The following ABAT variants were observed in gnomAD, a reference collection of about 807,000 sequenced individuals.
ABAT encodes the protein 4-aminobutyrate aminotransferase, mitochondrial.
ABAT carries 45 observed loss-of-function variants against 64.6 expected under a neutral mutation model. That is an observed-to-expected ratio of 0.70 (90% CI 0.55 to 0.89). The LOEUF (loss-of-function observed/expected upper bound fraction) is 0.89, where lower values mean the gene tolerates loss of function less well. ABAT is among the 40% of genes least tolerant of loss of function. The probability of loss-of-function intolerance (pLI) is 0.00; values close to 1 mark genes in which losing one functional copy is unlikely to be tolerated. For synonymous variants in ABAT, 297 were observed against 250.5 expected (o/e 1.19, Z -1.75); for missense variants, 633 against 658.4 (o/e 0.96, Z 0.42).
At chr16:8,760,793 G>A (rs989638604) in intron 6 of ABAT, among the ~76,000 whole-genome samples, 4 of 152,192 alleles carry the variant, frequency 2.6e-5, no homozygotes, top group African/African-American at 7.2e-5. Flanking sequence ...CAGAGATTCC[G>A]GCTGCATGTG....
At chr16:8,734,750 A>G (rs922227799) in intron 1 of ABAT, among the ~76,000 whole-genome samples, 27 of 152,302 alleles carry the variant, frequency 1.8e-4, no homozygotes, top group African/African-American at 6.3e-4. Context: ...TAAAAAATAC[A>G]CATACCAATT....
At chr16:8,769,069 T>TC (rs1169648942) in intron 11 of ABAT, 96 bp downstream of exon 11, 9 of 1,551,730 alleles carry the variant, frequency 5.8e-6, no homozygotes, top group Non-Finnish European at 4.4e-6. Flanking sequence ...GAAGGGTTTA[T>TC]CTGGGGATCT....
rs568093407 is a variant in ABAT, at chr16:8,734,967, G to A, written c.-41-732G>A. On this transcript the variant is annotated intron_variant, in intron 1 of 15. Coordinates refer to ENST00000268251, the MANE Select transcript of ABAT (RefSeq NM_020686.6). ...TCATACCTGTAATCCCAGCACTTTG[G>A]GAGGCCAAGGCAGGCAGATTACTTG... Among the ~76,000 whole-genome samples, 23 of 151,908 alleles carry A rather than the reference G, an allele frequency of 1.5e-4. 1 individual carries two copies. In the East Asian group the frequency reaches 4.5e-3, roughly 29 times the overall value.
In ABAT at chr16:8,781,437, C is replaced by T. The variant is rs1230857565; in HGVS notation, c.*7C>T. ...CTTAGCAGACTTCAAGTAAAGAAGC[C>T]ATTTCCACTACAGTGAGAAAGCCCG... On this transcript the variant is annotated 3_prime_UTR_variant, in exon 16 of 16. Transcript: ENST00000268251. This position sits in a 1 kb window ranked among gnomAD's most constrained non-coding sequence, Gnocchi z 4.5. 1.2e-6 allele frequency: 2 copies of T among 1,614,092 alleles called. No individual in the cohort carries two copies. The highest frequency in any genetic ancestry group is 1.3e-5 in the African/African-American group (1 of 74,928).
chr16:8,774,652 G>A (rs982166922), intron 12 of ABAT, among the ~76,000 whole-genome samples: 1 of 152,086 alleles, frequency 6.6e-6, no homozygotes, highest in East Asian at 1.9e-4. Flanking sequence ...GGGTTTTTTT[G>A]GTCCAGCTTA....
chr16:8,743,080 G>A (rs1343637280), intron 2 of ABAT, among the ~76,000 whole-genome samples: 1 of 148,936 alleles, frequency 6.7e-6, no homozygotes, highest in Non-Finnish European at 1.5e-5. Flanking sequence ...ATACTTTTAG[G>A]AATTCCCTTT....
chr16:8,712,076 C>T (rs1369732327), intron 1 of ABAT, among the ~76,000 whole-genome samples: 1 of 151,646 alleles, frequency 6.6e-6, no homozygotes, highest in African/African-American at 2.4e-5. Context: ...ACTAAAAATA[C>T]AAAAATTAGC....
chr16:8,746,221 A>C (rs2142628610), intron 3 of ABAT, 123 bp downstream of exon 3: 1 of 777,360 alleles, frequency 1.3e-6, no homozygotes, highest in East Asian at 2.7e-5. Flanking sequence ...GTTCACCACC[A>C]GAGATCTGAG....
chr16:8,712,452 G>C (rs1423877558), intron 1 of ABAT, among the ~76,000 whole-genome samples: 3 of 152,150 alleles, frequency 2.0e-5, no homozygotes, highest in African/African-American at 7.2e-5. Context: ...TTTCGGCTTT[G>C]CTGTGCATTG....
intron 2 of ABAT, among the ~76,000 whole-genome samples, chr16:8,743,423 T>TTATA (rs1182574273): frequency 0.066 from 2,965 of 45,244 alleles, 156 homozygotes; most frequent in Middle Eastern, 0.095. Context: ...ATGGAAACAG[T>TTATA]TATATATATA....
chr16:8,766,422 A>T, intron 9 of ABAT, 152 bp downstream of exon 9: 1 of 725,056 alleles, frequency 1.4e-6, no homozygotes, highest in Non-Finnish European at 2.4e-6. Flanking sequence ...TGGGAGGCCA[A>T]GGCAGGCGGA....
At chr16:8,734,635 C>G (rs1387525696) in intron 1 of ABAT, among the ~76,000 whole-genome samples, 3 of 152,138 alleles carry the variant, frequency 2.0e-5, no homozygotes, top group African/African-American at 7.2e-5. Context: ...ATGCGTCACA[C>G]AGAAAGGACT....
intron 6 of ABAT, 129 bp downstream of exon 6, chr16:8,757,935 T>C (rs1202721401): frequency 9.1e-6 from 10 of 1,094,190 alleles, no homozygotes; most frequent in South Asian, 2.6e-5. Context: ...GAGCCCATAC[T>C]ATGTGCCAGG....
intron 1 of ABAT, among the ~76,000 whole-genome samples, chr16:8,685,358 G>A (rs548741111): frequency 2.0e-5 from 3 of 151,878 alleles, no homozygotes; most frequent in African/African-American, 4.8e-5. Context: ...AGTAGGTAGT[G>A]CATAACTCTT....
chr16:8,761,524 G>A (rs2059797682), intron 6 of ABAT, among the ~76,000 whole-genome samples: 1 of 152,144 alleles, frequency 6.6e-6, no homozygotes. Context: ...ACTCTTTTTG[G>A]TGCTGGGATT....
At chr16:8,724,266 C>G (rs966723962) in intron 1 of ABAT, among the ~76,000 whole-genome samples, 1 of 152,048 alleles carries the variant, frequency 6.6e-6, no homozygotes, top group African/African-American at 2.4e-5. Context: ...CCCTGAAAAC[C>G]TAAAAGAGTG....
intron 1 of ABAT, among the ~76,000 whole-genome samples, chr16:8,719,145 C>G (rs139244162): frequency 6.6e-6 from 1 of 152,250 alleles, no homozygotes; most frequent in Non-Finnish European, 1.5e-5. Flanking sequence ...CAGGACGTGT[C>G]CTTGTTTACT....
chr16:8,767,711 T>A (rs1209447221), intron 9 of ABAT, among the ~76,000 whole-genome samples: 1 of 152,166 alleles, frequency 6.6e-6, no homozygotes, highest in Non-Finnish European at 1.5e-5. Context: ...GTCTCGCTCT[T>A]GTTGACCAGG....
At chr16:8,701,957 G>A (rs909329727) in intron 1 of ABAT, among the ~76,000 whole-genome samples, 3 of 152,010 alleles carry the variant, frequency 2.0e-5, no homozygotes, top group Non-Finnish European at 4.4e-5. Context: ...GGAGGGACAT[G>A]GAGGTGTAGG....
Sources: allele counts gnomAD v4.1 joint callset (sites outside exome capture counted in the v4.1 genomes callset), GRCh38; gene constraint gnomAD v4.1.1; non-coding constraint Gnocchi (gnomAD v3.1); transcripts MANE v1.5; gene names NCBI Gene and HGNC (gene_info 2026-07-23, HGNC 2026-07-21).